The following ADD2 variants were observed in gnomAD, a reference collection of about 807,000 sequenced individuals.
ADD2 encodes adducin 2, also known as beta-adducin.
ADD2 carries 23 observed loss-of-function variants against 83.0 expected under a neutral mutation model. The ratio of observed to expected loss-of-function variants is 0.28; its 90% CI spans 0.20 to 0.39. The LOEUF is 0.39. Ranked by LOEUF, ADD2 falls within the 10% of genes least tolerant of loss-of-function variation. ADD2 has a pLI of 1.00. For missense variants in ADD2, 758 were observed against 944.9 expected, an observed-to-expected ratio of 0.80 and a Z score of 2.59; for synonymous variants, 375 against 375.4, an observed-to-expected ratio of 1.00 and a Z score of 0.01.
chr2:70,761,672 A>G (rs1171142138), intron 1 of ADD2, among the ~76,000 whole-genome samples: 4 of 149,924 alleles, frequency 2.7e-5, no homozygotes, highest in Non-Finnish European at 4.4e-5. Flanking sequence ...ACAAATAGAC[A>G]CAACTTTTTT....
chr2:70,676,332 G>C lies in ADD2; in HGVS notation c.1593+464C>G, dbSNP rs73937000. 1.0e-3 allele frequency: 1,027 copies of C among 1,026,676 alleles called. 6 individuals are homozygous for C. The African/African-American group carries it at 0.016, about 16-fold the overall frequency. The allele number at this position is 1,026,676 out of a possible 1,614,324, so 63.6% of individuals were successfully genotyped here. On this transcript the variant is annotated intron_variant, in intron 13 of 15. Coordinates refer to ENST00000264436, the MANE Select transcript of ADD2 (RefSeq NM_001617.4). The surrounding 1 kb of genome is among the most constrained non-coding windows in gnomAD (Gnocchi z 4.8). ...CCCATCCTGTAGGAGCATGGGTCCT[G>C]TCTATATACCCCTTCTCTATGGGTA...
At chr2:70,766,661 C>T (rs1265912931) in intron 1 of ADD2, among the ~76,000 whole-genome samples, 2 of 152,382 alleles carry the variant, frequency 1.3e-5, no homozygotes, top group East Asian at 3.8e-4. Flanking sequence ...GATCCACAAA[C>T]TAGACATGAA....
At chr2:70,716,855 C>T (rs1273864111) in intron 1 of ADD2, among the ~76,000 whole-genome samples, 1 of 152,142 alleles carries the variant, frequency 6.6e-6, no homozygotes, top group African/African-American at 2.4e-5. Flanking sequence ...GTGGCTGGCC[C>T]CTCAGCCACC....
intron 1 of ADD2, among the ~76,000 whole-genome samples, chr2:70,753,014 G>C (rs1171638330): frequency 6.6e-6 from 1 of 152,154 alleles, no homozygotes; most frequent in Non-Finnish European, 1.5e-5. Context: ...GAAGTCTAAA[G>C]CCAAGGCCCA....
intron 1 of ADD2, among the ~76,000 whole-genome samples, chr2:70,761,960 C>T (rs782341556): frequency 1.2e-4 from 18 of 151,572 alleles, no homozygotes; most frequent in South Asian, 2.1e-4. Context: ...TGAGCCACCG[C>T]GCCTGGCCAA....
At chr2:70,765,133 G>A (rs1396936918) in intron 1 of ADD2, among the ~76,000 whole-genome samples, 3 of 152,022 alleles carry the variant, frequency 2.0e-5, no homozygotes, top group African/African-American at 4.8e-5. Flanking sequence ...CAGGTGGATC[G>A]CTTGAGGCCA....
intron 1 of ADD2, among the ~76,000 whole-genome samples, chr2:70,721,733 T>C (rs1672739604): frequency 6.6e-6 from 1 of 152,246 alleles, no homozygotes; most frequent in African/African-American, 2.4e-5. Flanking sequence ...AGAAATTACC[T>C]TAATGATTAG....
Position 70,676,474 on chromosome 2 carries a change from G to A in ADD2, c.1593+322C>T. 26 of 1,310,016 alleles carry A rather than the reference G, an allele frequency of 2.0e-5. No individual in the cohort carries two copies. Among genetic ancestry groups the A allele is most frequent in the Non-Finnish European group, 2.5e-5 (26 of 1,027,320 alleles). 81.1% of individuals were successfully genotyped at this position (1,310,016 alleles called of 1,614,324 possible). A position where few individuals can be genotyped will look rare whatever the true frequency, so the allele number is the denominator to read the frequency against. ...GGAGTCTCCAGCCCCAAGCCTATGA[G>A]TCCCCACTTCACGGGGTAGTAAGGG... On this transcript the variant is annotated intron_variant, in intron 13 of 15. Transcript: ENST00000264436. This position sits in a 1 kb window ranked among gnomAD's most constrained non-coding sequence, Gnocchi z 4.8.
At chr2:70,707,460 G>T (rs947253013) in intron 2 of ADD2, among the ~76,000 whole-genome samples, 1 of 152,266 alleles carries the variant, frequency 6.6e-6, no homozygotes, top group African/African-American at 2.4e-5. Context: ...TTTTTAAAAT[G>T]TGTGAATGAT....
chr2:70,742,723 C>A (rs1383332509), intron 1 of ADD2, among the ~76,000 whole-genome samples: 2 of 152,158 alleles, frequency 1.3e-5, no homozygotes, highest in Non-Finnish European at 2.9e-5. Context: ...TAGGGCAATA[C>A]AATCCACTCA....
At chr2:70,692,118 C>G (rs1440829621) in intron 7 of ADD2, among the ~76,000 whole-genome samples, 2 of 152,216 alleles carry the variant, frequency 1.3e-5, no homozygotes, top group African/African-American at 4.8e-5. Flanking sequence ...GGGGCAGGCC[C>G]CACGCCTTGG....
At position 70,706,299 on chromosome 2, in the gene ADD2, C is replaced by T. The variant is rs782225461; in HGVS notation, c.110G>A (p.Arg37Gln). 21 of 1,614,006 alleles carry T rather than the reference C, an allele frequency of 1.3e-5. No individual in the cohort carries two copies. In the South Asian group the frequency reaches 1.8e-4, roughly 14 times the overall value. The change falls in exon 3 of 16, where the codon CGG (arginine) becomes CAG (glutamine). Residue 37 changes from arginine to glutamine, a missense_variant. Arg to Gln is a conservative substitution (Grantham distance 43, BLOSUM62 1). This residue lies in a region of ADD2 where 175 missense variants were observed against 192.1 expected (regional missense o/e 0.91). Transcript: ENST00000264436. The surrounding 1 kb of genome is among the most constrained non-coding windows in gnomAD (Gnocchi z 5.0). ...DDPEYMRLRN[R>Q]AADLRQDFNL... Reference sequence around the variant, plus strand: ...GAAGTCCTGCCGCAGGTCCGCCGCCCGGTTGCGAAGGCGCATGTACTCGGG... The same window carrying T: ...GAAGTCCTGCCGCAGGTCCGCCGCCTGGTTGCGAAGGCGCATGTACTCGGG...
At chr2:70,736,207 G>T (rs1673550440) in intron 1 of ADD2, among the ~76,000 whole-genome samples, 1 of 152,194 alleles carries the variant, frequency 6.6e-6, no homozygotes, top group South Asian at 2.1e-4. Context: ...TCACAAAGGA[G>T]AACTGGACAG....
intron 15 of ADD2, among the ~76,000 whole-genome samples, chr2:70,670,202 C>G (rs1669842548): frequency 6.6e-6 from 1 of 152,226 alleles, no homozygotes; most frequent in Non-Finnish European, 1.5e-5. Context: ...TGTATTAGCT[C>G]TCACAATTTG....
chr2:70,685,834 C>T (rs534468210), intron 9 of ADD2, among the ~76,000 whole-genome samples: 1 of 152,298 alleles, frequency 6.6e-6, no homozygotes, highest in African/African-American at 2.4e-5. Context: ...TCTTCCTCCC[C>T]CAGTTTCCAT....
intron 2 of ADD2, 52 bp downstream of exon 2, chr2:70,713,014 G>T: frequency 1.2e-6 from 1 of 851,698 alleles, no homozygotes; most frequent in Non-Finnish European, 1.4e-6. Context: ...GATGGGCCCA[G>T]CCAAAAAGTG....
At chr2:70,764,369 CT>C (rs1475863739) in intron 1 of ADD2, among the ~76,000 whole-genome samples, 1 of 151,856 alleles carries the variant, frequency 6.6e-6, no homozygotes, top group African/African-American at 2.4e-5. Flanking sequence ...GGCGTGAGAT[CT>C]TCAATCCCTG....
intron 1 of ADD2, among the ~76,000 whole-genome samples, chr2:70,760,905 T>C (rs1290330551): frequency 2.0e-5 from 3 of 152,184 alleles, no homozygotes; most frequent in Non-Finnish European, 4.4e-5. Context: ...TCTTCCATCA[T>C]ACAAAATGCC....
At chr2:70,733,905 G>A (rs1308348135) in intron 1 of ADD2, among the ~76,000 whole-genome samples, 1 of 152,176 alleles carries the variant, frequency 6.6e-6, no homozygotes, top group Non-Finnish European at 1.5e-5. Context: ...GCTTTCCACA[G>A]ACACACAAAA....
Sources: allele counts gnomAD v4.1 joint callset (sites outside exome capture counted in the v4.1 genomes callset), GRCh38; gene constraint gnomAD v4.1.1; regional missense constraint gnomAD v4.1.1; non-coding constraint Gnocchi (gnomAD v3.1); transcripts MANE v1.5; gene names NCBI Gene and HGNC (gene_info 2026-07-23, HGNC 2026-07-21).